FAM171B: variants seen among roughly 807,000 people sequenced by gnomAD.
FAM171B encodes protein FAM171B.
A neutral mutation model predicts 75.6 loss-of-function variants in FAM171B; 19 were observed. That is an observed-to-expected ratio of 0.25 (90% CI 0.18 to 0.37). FAM171B has a LOEUF of 0.37. Ranked by LOEUF, FAM171B falls within the 10% of genes least tolerant of loss-of-function variation. The pLI is 1.00. For missense variants in FAM171B, 848 were observed against 982.4 expected, an observed-to-expected ratio of 0.86 and a Z score of 1.83; for synonymous variants, 367 against 361.7, an observed-to-expected ratio of 1.01 and a Z score of -0.17.
At chr2:186,724,423 A>G (rs1424497823) in intron 1 of FAM171B, among the ~76,000 whole-genome samples, 1 of 152,182 alleles carries the variant, frequency 6.6e-6, no homozygotes, top group Non-Finnish European at 1.5e-5. Flanking sequence ...CTAAGACTCA[A>G]TTGGCCTTCC....
chr2:186,764,283 A>G lies in FAM171B; in HGVS notation c.*1460A>G, dbSNP rs1690667062. ...ACAAGTTCAGTGAACCAAAACAGCC[A>G]CATTAGCTTCAGTAAAATTATAGCT... is the stretch of plus-strand genomic sequence containing the variant. On this transcript the variant is annotated 3_prime_UTR_variant, in exon 8 of 8. Coordinates refer to ENST00000304698, the MANE Select transcript of FAM171B (RefSeq NM_177454.4). 1 of 152,004 alleles carries G rather than the reference A, an allele frequency of 6.6e-6. No homozygotes were observed. Among genetic ancestry groups the G allele is most frequent in the South Asian group, 2.1e-4 (1 of 4,830 alleles). The allele number at this position is 152,004 out of a possible 1,614,324, so 9.4% of individuals were successfully genotyped here.
chr2:186,696,954 G>T (rs575302372), intron 1 of FAM171B, among the ~76,000 whole-genome samples: 6 of 151,994 alleles, frequency 3.9e-5, no homozygotes, highest in Non-Finnish European at 8.8e-5. Context: ...GTATCTCGAA[G>T]AGCACCTGGT....
chr2:186,704,625 G>A (rs1375114556), intron 1 of FAM171B, among the ~76,000 whole-genome samples: 1 of 152,156 alleles, frequency 6.6e-6, no homozygotes, highest in Non-Finnish European at 1.5e-5. Flanking sequence ...ATAATTTGCT[G>A]ATTTCCTTCA....
intron 1 of FAM171B, among the ~76,000 whole-genome samples, chr2:186,703,021 A>G (rs531103929): frequency 6.6e-6 from 1 of 151,868 alleles, no homozygotes; most frequent in East Asian, 1.9e-4. Flanking sequence ...GTTCCTGTTC[A>G]GTAAAGAAAT....
chr2:186,703,366 A>C (rs1689690543), intron 1 of FAM171B, among the ~76,000 whole-genome samples: 1 of 152,204 alleles, frequency 6.6e-6, no homozygotes, highest in African/African-American at 2.4e-5. Context: ...TGAGCAGTTG[A>C]CCAGTCAACC....
intron 1 of FAM171B, among the ~76,000 whole-genome samples, chr2:186,729,227 A>G (rs1690077384): frequency 6.6e-6 from 1 of 152,174 alleles, no homozygotes; most frequent in Admixed American, 6.5e-5. Context: ...GAATCATTTA[A>G]TACTGAACCA....
At chr2:186,735,083 C>T (rs1690179412) in intron 1 of FAM171B, among the ~76,000 whole-genome samples, 1 of 152,172 alleles carries the variant, frequency 6.6e-6, no homozygotes, top group South Asian at 2.1e-4. Context: ...GCTCCTGCCC[C>T]ACCAACTCGG....
chr2:186,735,099 G>A (rs868300880), intron 1 of FAM171B, among the ~76,000 whole-genome samples: 30 of 152,192 alleles, frequency 2.0e-4, no homozygotes, highest in African/African-American at 6.5e-4. Flanking sequence ...CTCGGTAGGG[G>A]CAGGGCTCCC....
intron 4 of FAM171B, among the ~76,000 whole-genome samples, chr2:186,748,485 A>G (rs969996886): frequency 1.3e-5 from 2 of 152,186 alleles, no homozygotes; most frequent in African/African-American, 4.8e-5. Context: ...TGCTTTTCCT[A>G]CTGCACACAT....
rs76696544 is a variant in FAM171B at position 186,729,236 on chromosome 2, C to T, written c.239-10992C>T. On this transcript the variant is annotated intron_variant, in intron 1 of 7. Coordinates refer to ENST00000304698, the MANE Select transcript of FAM171B (RefSeq NM_177454.4). ...GCAGTTGAATCATTTAATACTGAACCATTTTAAAACGAATAGTGATATGTT... is the reference window on the plus strand; with the variant it reads ...GCAGTTGAATCATTTAATACTGAACTATTTTAAAACGAATAGTGATATGTT... 9.0e-3 allele frequency among the ~76,000 whole-genome samples: 1,365 copies of T among 152,052 alleles called. 18 individuals are homozygous for T. The highest frequency in any genetic ancestry group is 0.031 in the African/African-American group (1,265 of 41,468).
intron 3 of FAM171B, among the ~76,000 whole-genome samples, chr2:186,745,408 G>A (rs1690352048): frequency 6.6e-6 from 1 of 152,198 alleles, no homozygotes; most frequent in South Asian, 2.1e-4. Context: ...CTTTGCCACT[G>A]TACCAAGCAG....
intron 6 of FAM171B, among the ~76,000 whole-genome samples, chr2:186,757,793 T>C (rs1021145477): frequency 9.9e-5 from 15 of 152,030 alleles, no homozygotes; most frequent in African/African-American, 3.6e-4. Flanking sequence ...ACATATAGGA[T>C]TTGGGGCAAA....
chr2:186,732,177 T>A (rs1690127387), intron 1 of FAM171B, among the ~76,000 whole-genome samples: 1 of 152,124 alleles, frequency 6.6e-6, no homozygotes, highest in Non-Finnish European at 1.5e-5. Context: ...AACTTTTTTT[T>A]GTTGTTTTTT....
chr2:186,752,059 A>C (rs1690464068), intron 5 of FAM171B, among the ~76,000 whole-genome samples: 2 of 152,154 alleles, frequency 1.3e-5, no homozygotes, highest in African/African-American at 4.8e-5. Context: ...TCAGACTGAC[A>C]AGAAGGCTGT....
chr2:186,752,318 C>T (rs1316896500), intron 5 of FAM171B, among the ~76,000 whole-genome samples: 1 of 152,150 alleles, frequency 6.6e-6, no homozygotes, highest in Non-Finnish European at 1.5e-5. Context: ...ATCCTCAAAA[C>T]TTGAAATGGG....
In FAM171B at chr2:186,761,645, T is replaced by TG; in HGVS notation, c.1303_1304insG (p.Tyr435Ter). Residue 435 changes from tyrosine (Y) to a stop codon, truncating the protein, a stop_gained and frameshift_variant, in exon 8 of 8, where the codon TAT becomes TGAT. Transcript: ENST00000304698. LOFTEE classifies it high-confidence loss of function. Reference sequence around the variant, plus strand: ...GTTATTCAATGCCAAAAACTCCTCATATAGTCCTCAGAAAAAGGAACCATC... The same window carrying TG: ...GTTATTCAATGCCAAAAACTCCTCATGATAGTCCTCAGAAAAAGGAACCATC... ...SQLFNAKNSSYSPQKKEPSKA... is the reference protein window; with the variant it reads ...SQLFNAKNSS 6.2e-7 allele frequency: 1 copy of TG among 1,612,736 alleles called. No homozygotes were observed. Among genetic ancestry groups the TG allele is most frequent in the Non-Finnish European group, 8.5e-7 (1 of 1,179,528 alleles).
At chr2:186,719,919 G>A (rs1440392931) in intron 1 of FAM171B, among the ~76,000 whole-genome samples, 1 of 152,110 alleles carries the variant, frequency 6.6e-6, no homozygotes, top group Non-Finnish European at 1.5e-5. Flanking sequence ...ACAGTAATAA[G>A]AAAATAGTTA....
chr2:186,703,076 T>TACACACACAC (rs35043744), intron 1 of FAM171B, among the ~76,000 whole-genome samples: 17 of 145,484 alleles, frequency 1.2e-4, no homozygotes, highest in African/African-American at 2.6e-4. Context: ...TATATATATA[T>TACACACACAC]ACACACACAC....
chr2:186,762,910 A>C lies in FAM171B; in HGVS notation c.*87A>C, dbSNP rs914787580. 70 of 1,475,742 alleles carry C rather than the reference A, an allele frequency of 4.7e-5. No individual in the cohort carries two copies. In the Admixed American group the frequency reaches 1.1e-3, roughly 22 times the overall value. The allele number at this position is 1,475,742 out of a possible 1,614,324, so 91.4% of individuals were successfully genotyped here. A position where few individuals can be genotyped will look rare whatever the true frequency, so the allele number is the denominator to read the frequency against. ...TGCAGTACGAACTTAAGAAAATGAG[A>C]CTGAGCAATCTCATGGTTCTTGGAC... On this transcript the variant is annotated 3_prime_UTR_variant, in exon 8 of 8. Coordinates refer to ENST00000304698, the MANE Select transcript of FAM171B (RefSeq NM_177454.4). This position sits in a 1 kb window ranked among gnomAD's most constrained non-coding sequence, Gnocchi z 4.0.
Sources: gnomAD v4.1 joint callset for allele counts (sites outside exome capture counted in the v4.1 genomes callset) on GRCh38, gnomAD v4.1.1 for gene constraint, Gnocchi (gnomAD v3.1) non-coding constraint, MANE v1.5 for transcripts, NCBI Gene and HGNC (gene_info 2026-07-23, HGNC 2026-07-21) for gene names.